Variants in PCP4 observed in about 807,000 individuals in gnomAD.
The protein encoded by PCP4 is calmodulin regulator protein PCP4.
Under a neutral mutation model 10.0 loss-of-function variants are expected in PCP4, and 8 were observed. The ratio of observed to expected loss-of-function variants is 0.80; its 90% CI spans 0.47 to 1.45. The LOEUF is 1.45. Among genes scored for constraint, PCP4 ranks in the 40% most tolerant of loss-of-function variants. The pLI, the probability that PCP4 is intolerant of heterozygous loss-of-function variation, is 0.00. For missense variants in PCP4, 54 were observed against 74.4 expected, an observed-to-expected ratio of 0.73 and a Z score of 1.01; for synonymous variants, 21 against 23.0, an observed-to-expected ratio of 0.91 and a Z score of 0.24.
chr21:39,922,888 C>T (rs1268147192), intron 2 of PCP4, among the ~76,000 whole-genome samples: 5 of 152,124 alleles, frequency 3.3e-5, no homozygotes, highest in East Asian at 1.9e-4. Flanking sequence ...GGGATAATGG[C>T]CCCCCAGGCA....
At chr21:39,868,069 G>A (rs1034576304) in intron 1 of PCP4, among the ~76,000 whole-genome samples, 8 of 152,282 alleles carry the variant, frequency 5.3e-5, no homozygotes, top group African/African-American at 1.4e-4. Context: ...CTCTAAGACC[G>A]GAGGCGGCCC....
intron 2 of PCP4, among the ~76,000 whole-genome samples, chr21:39,905,396 G>A (rs1379991989): frequency 6.6e-6 from 1 of 152,158 alleles, no homozygotes; most frequent in Non-Finnish European, 1.5e-5. Flanking sequence ...TCCAGATGGG[G>A]AAAAAATGAC....
intron 1 of PCP4, among the ~76,000 whole-genome samples, chr21:39,874,155 A>G (rs1390623473): frequency 6.6e-6 from 1 of 152,202 alleles, no homozygotes; most frequent in African/African-American, 2.4e-5. Flanking sequence ...TGTTCCAACC[A>G]TTCAAATAAG....
At chr21:39,873,751 A>G (rs1054353758) in intron 1 of PCP4, among the ~76,000 whole-genome samples, 2 of 152,220 alleles carry the variant, frequency 1.3e-5, no homozygotes, top group Admixed American at 1.3e-4. Context: ...GTTTTGTGCC[A>G]CAAACAAAGC....
chr21:39,919,924 G>A (rs1254079555), intron 2 of PCP4, among the ~76,000 whole-genome samples: 2 of 150,392 alleles, frequency 1.3e-5, no homozygotes, highest in African/African-American at 4.9e-5. Flanking sequence ...CTGGTGAGGT[G>A]TGTTTGTGTA....
intron 2 of PCP4, among the ~76,000 whole-genome samples, chr21:39,902,231 CTT>C (rs971606675): frequency 3.9e-5 from 6 of 152,092 alleles, no homozygotes; most frequent in Non-Finnish European, 8.8e-5. Context: ...GATAGTAACA[CTT>C]CATAATAAAA....
chr21:39,875,986 G>A (rs1158240177), intron 1 of PCP4, among the ~76,000 whole-genome samples: 1 of 151,970 alleles, frequency 6.6e-6, no homozygotes, highest in East Asian at 1.9e-4. Flanking sequence ...AGAAAAGAAG[G>A]TTTAGTTAGT....
rs2087508080 is a variant in PCP4 at position 39,906,174 on chromosome 21, G to A, written c.61+7647G>A. ...TCCTAAGGTCACATAAATAAGAGGA[G>A]GAAAGTTTTGGTCATCTGACCCACA... On this transcript the variant is annotated intron_variant, in intron 2 of 2. Transcript: ENST00000328619. This position sits in a 1 kb window ranked among gnomAD's most constrained non-coding sequence, Gnocchi z 6.3. Among the ~76,000 whole-genome samples, 1 of 152,172 alleles carries A rather than the reference G, an allele frequency of 6.6e-6. No homozygotes were observed. Among genetic ancestry groups the A allele is most frequent in the Admixed American group, 6.5e-5 (1 of 15,286 alleles).
intron 1 of PCP4, among the ~76,000 whole-genome samples, chr21:39,897,744 T>G (rs938799890): frequency 6.6e-6 from 1 of 152,070 alleles, no homozygotes; most frequent in Non-Finnish European, 1.5e-5. Context: ...TGATTAAAAT[T>G]TATTTAAAAA....
At chr21:39,894,024 C>T (rs2087445967) in intron 1 of PCP4, among the ~76,000 whole-genome samples, 1 of 152,052 alleles carries the variant, frequency 6.6e-6, no homozygotes, top group Non-Finnish European at 1.5e-5. Context: ...TGCATGGGGA[C>T]AAGGTGTTGT....
intron 2 of PCP4, 71 bp from the exon 3 acceptor site, chr21:39,928,913 T>C (rs2087637459): frequency 2.0e-6 from 3 of 1,517,734 alleles, no homozygotes; most frequent in South Asian, 1.2e-5. Context: ...GCTTCACTTA[T>C]CTAGTGGGGC....
At chr21:39,926,652 G>T (rs1485255746) in intron 2 of PCP4, among the ~76,000 whole-genome samples, 1 of 152,128 alleles carries the variant, frequency 6.6e-6, no homozygotes, top group African/African-American at 2.4e-5. Context: ...GGTACAAAAG[G>T]GTTTATTGCC....
chr21:39,900,749 C>T (rs2087478969), intron 2 of PCP4, among the ~76,000 whole-genome samples: 1 of 152,074 alleles, frequency 6.6e-6, no homozygotes, highest in Non-Finnish European at 1.5e-5. Context: ...AATCTCTATA[C>T]TGGCCACTCC....
intron 2 of PCP4, among the ~76,000 whole-genome samples, chr21:39,919,142 CTG>C (rs1466307447): frequency 6.6e-6 from 1 of 152,174 alleles, no homozygotes; most frequent in Non-Finnish European, 1.5e-5. Context: ...TTGGCTTTCT[CTG>C]CCTCAAGGGC....
chr21:39,898,934 C>T (rs764665974), intron 2 of PCP4, among the ~76,000 whole-genome samples: 15 of 152,176 alleles, frequency 9.9e-5, no homozygotes, highest in Non-Finnish European at 1.8e-4. Context: ...TTCAGCCCTC[C>T]GGAGCACACA....
chr21:39,897,937 C>T (rs569390268), intron 1 of PCP4, among the ~76,000 whole-genome samples: 41 of 148,704 alleles, frequency 2.8e-4, no homozygotes, highest in African/African-American at 9.7e-4. Flanking sequence ...TCCCAGCCAC[C>T]TGGGAGGCTG....
At position 39,895,068 on chromosome 21, in the gene PCP4, C is replaced by T. The variant is rs117879111; in HGVS notation, c.10-3408C>T. Among the ~76,000 whole-genome samples, 47 of 152,150 alleles carry T rather than the reference C, an allele frequency of 3.1e-4. 2 individuals carry two copies. In the East Asian group the frequency reaches 9.1e-3, roughly 29 times the overall value. On this transcript the variant is annotated intron_variant, in intron 1 of 2. Transcript: ENST00000328619. ...CCATCCATCCATCCATTCATCCACA[C>T]ACCCATTCATCCATCCACCCACCCA...
intron 2 of PCP4, among the ~76,000 whole-genome samples, chr21:39,928,176 C>T (rs1382010897): frequency 6.6e-6 from 1 of 152,150 alleles, no homozygotes; most frequent in African/African-American, 2.4e-5. Context: ...TACGGCCATA[C>T]CACCCTGAAC....
chr21:39,922,597 C>G (rs2087601577), intron 2 of PCP4, among the ~76,000 whole-genome samples: 1 of 152,100 alleles, frequency 6.6e-6, no homozygotes, highest in Non-Finnish European at 1.5e-5. Flanking sequence ...CAGGGAGCAT[C>G]ATTTCTTCAT....
Sources: gnomAD v4.1 joint callset for allele counts (sites outside exome capture counted in the v4.1 genomes callset) on GRCh38, gnomAD v4.1.1 for gene constraint, Gnocchi (gnomAD v3.1) non-coding constraint, MANE v1.5 for transcripts, NCBI Gene and HGNC (gene_info 2026-07-23, HGNC 2026-07-21) for gene names.